DMRT1: variants seen among roughly 807,000 people sequenced by gnomAD.
The protein encoded by DMRT1 is doublesex- and mab-3-related transcription factor 1.
DMRT1 carries 7 observed loss-of-function variants against 32.3 expected under a neutral mutation model. The observed-to-expected ratio is 0.22, with a 90% CI of 0.12 to 0.41. The LOEUF is 0.41. Ranked by LOEUF, DMRT1 falls within the 10% of genes least tolerant of loss-of-function variation. The pLI, the probability that DMRT1 is intolerant of heterozygous loss-of-function variation, is 1.00. For synonymous variants in DMRT1, 278 were observed against 206.1 expected, an observed-to-expected ratio of 1.35 and a Z score of -2.99; for missense variants, 625 against 500.5, an observed-to-expected ratio of 1.25 and a Z score of -2.37.
intron 4 of DMRT1, among the ~76,000 whole-genome samples, chr9:918,686 G>T (rs1345448686): frequency 2.0e-5 from 3 of 151,372 alleles, no homozygotes; most frequent in African/African-American, 7.3e-5. Flanking sequence ...CCCACTAACA[G>T]TTAAGTAGGA....
chr9:938,305 C>CA (rs1397559722), intron 4 of DMRT1, among the ~76,000 whole-genome samples: 4 of 151,904 alleles, frequency 2.6e-5, no homozygotes, highest in Admixed American at 2.6e-4. Context: ...TCTATTTATG[C>CA]AAAAAACAGA....
chr9:870,258 G>T (rs1405519739), intron 2 of DMRT1, among the ~76,000 whole-genome samples: 3 of 152,116 alleles, frequency 2.0e-5, no homozygotes, highest in African/African-American at 7.2e-5. Context: ...AATTAGCTGG[G>T]CGTGGTGACG....
intron 2 of DMRT1, among the ~76,000 whole-genome samples, chr9:887,214 G>A (rs1816965424): frequency 6.6e-6 from 1 of 152,150 alleles, no homozygotes. Flanking sequence ...AACAAACAAT[G>A]TAACTTAGTT....
intron 4 of DMRT1, among the ~76,000 whole-genome samples, chr9:964,284 T>G (rs1819864041): frequency 6.6e-6 from 1 of 152,190 alleles, no homozygotes; most frequent in Non-Finnish European, 1.5e-5. Context: ...AAAATCATCT[T>G]GAAGTGTTTT....
intron 3 of DMRT1, among the ~76,000 whole-genome samples, chr9:907,533 A>G (rs1209313718): frequency 6.6e-6 from 1 of 152,196 alleles, no homozygotes; most frequent in Non-Finnish European, 1.5e-5. Context: ...AAAAGGAAAC[A>G]TTTTTTAAAA....
chr9:856,999 C>T (rs899445192), intron 2 of DMRT1, among the ~76,000 whole-genome samples: 21 of 152,186 alleles, frequency 1.4e-4, no homozygotes, highest in African/African-American at 4.8e-4. Context: ...TTTAGGTTTG[C>T]ATTTTATTAT....
chr9:853,711 G>T (rs1405697074), intron 2 of DMRT1, among the ~76,000 whole-genome samples: 1 of 151,952 alleles, frequency 6.6e-6, no homozygotes, highest in East Asian at 1.9e-4. Context: ...CACCATGTTG[G>T]CCAGGTTGGT....
chr9:904,873 C>A (rs936632234), intron 3 of DMRT1, among the ~76,000 whole-genome samples: 2 of 149,050 alleles, frequency 1.3e-5, no homozygotes, highest in African/African-American at 5.0e-5. Context: ...ACCAGGGAGG[C>A]GTAGGTTGCG....
In DMRT1 at chr9:877,337, C is replaced by A. The variant is rs180894854; in HGVS notation, c.539-16575C>A. On this transcript the variant is annotated intron_variant, in intron 2 of 4. Transcript: ENST00000382276. ...ATACCTTAGAGGTATGTCTCACCCC[C>A]CTGGAGGGTGCAGTAAGGGTTCTGA... is the stretch of plus-strand genomic sequence containing the variant. 4.7e-4 allele frequency among the ~76,000 whole-genome samples: 71 copies of A among 152,278 alleles called. 1 individual carries two copies. The highest frequency in any genetic ancestry group is 1.3e-3 in the African/African-American group (56 of 41,552).
chr9:953,145 G>C (rs1320866220), intron 4 of DMRT1, among the ~76,000 whole-genome samples: 1 of 152,144 alleles, frequency 6.6e-6, no homozygotes, highest in Non-Finnish European at 1.5e-5. Context: ...TATATACGTG[G>C]AGTCAAGCTT....
intron 2 of DMRT1, among the ~76,000 whole-genome samples, chr9:849,440 C>T (rs76173707): frequency 0.037 from 5,611 of 152,256 alleles, 152 homozygotes; most frequent in South Asian, 0.098. Context: ...AGGCCAGTGA[C>T]GGATCAGTGT....
chr9:856,471 A>G (rs930621583), intron 2 of DMRT1, among the ~76,000 whole-genome samples: 3 of 152,188 alleles, frequency 2.0e-5, no homozygotes, highest in African/African-American at 7.2e-5. Context: ...GAAATTTTAT[A>G]TAACTGGAAT....
chr9:902,773 G>A (rs563585332), intron 3 of DMRT1, among the ~76,000 whole-genome samples: 1 of 152,260 alleles, frequency 6.6e-6, no homozygotes, highest in Admixed American at 6.5e-5. Flanking sequence ...ACAGGTGTGA[G>A]CCACCATGCC....
intron 3 of DMRT1, among the ~76,000 whole-genome samples, chr9:897,584 A>T (rs1009172666): frequency 6.7e-6 from 1 of 149,686 alleles, no homozygotes; most frequent in Non-Finnish European, 1.5e-5. Context: ...AGAGCAAGAC[A>T]CTGTCTCCAA....
At chr9:846,407 C>T (rs16924784) in intron 1 of DMRT1, among the ~76,000 whole-genome samples, 22,242 of 151,938 alleles carry the variant, frequency 0.15, 1,963 homozygotes, top group East Asian at 0.42. Context: ...AGTACAGTGG[C>T]CTTTTACAAG....
chr9:883,433 T>G (rs1451749966), intron 2 of DMRT1, among the ~76,000 whole-genome samples: 2 of 151,882 alleles, frequency 1.3e-5, no homozygotes, highest in Non-Finnish European at 2.9e-5. Context: ...AGCATCCCAG[T>G]GCCATGAAAT....
chr9:888,368 C>T (rs1817012967), intron 2 of DMRT1, among the ~76,000 whole-genome samples: 1 of 151,068 alleles, frequency 6.6e-6, no homozygotes, highest in Non-Finnish European at 1.5e-5. Flanking sequence ...TGCAGTGGTG[C>T]GATCTCGGCT....
In DMRT1 at chr9:902,974, G is replaced by A. The variant is rs556075672; in HGVS notation, c.822+8779G>A. 3.9e-5 allele frequency among the ~76,000 whole-genome samples: 6 copies of A among 152,294 alleles called. No individual in the cohort carries two copies. The Middle Eastern group carries it at 0.017, about 432-fold the overall frequency. Reference sequence around the variant, plus strand: ...CTGTTTAAGGAAATGCAACTCCAAAGTCATGATAGACCCTAGAAAGTTTAA... The same window carrying A: ...CTGTTTAAGGAAATGCAACTCCAAAATCATGATAGACCCTAGAAAGTTTAA... On this transcript the variant is annotated intron_variant, in intron 3 of 4. Transcript: ENST00000382276.
At chr9:944,366 A>G (rs1277383812) in intron 4 of DMRT1, among the ~76,000 whole-genome samples, 1 of 152,158 alleles carries the variant, frequency 6.6e-6, no homozygotes, top group Non-Finnish European at 1.5e-5. Context: ...GTAGGATTAG[A>G]CTGTTGTAAT....
Sources: allele counts gnomAD v4.1 joint callset (sites outside exome capture counted in the v4.1 genomes callset), GRCh38; gene constraint gnomAD v4.1.1; transcripts MANE v1.5; gene names NCBI Gene and HGNC (gene_info 2026-07-23, HGNC 2026-07-21).